The following RTN4 variants were observed in gnomAD, a reference collection of about 807,000 sequenced individuals.
The protein encoded by RTN4 is reticulon-4.
A neutral mutation model predicts 90.4 loss-of-function variants in RTN4; 32 were observed. The ratio of observed to expected loss-of-function variants is 0.35; its 90% confidence interval spans 0.27 to 0.48. The LOEUF (loss-of-function observed/expected upper bound fraction) is 0.48. Among genes scored for constraint, RTN4 ranks in the 20% least tolerant of loss-of-function variants. The pLI, the probability that RTN4 is intolerant of heterozygous loss-of-function variation, is 0.99. For synonymous variants in RTN4, 629 were observed against 552.5 expected (o/e 1.14, Z -1.94); for missense variants, 1,706 against 1,430.2 (o/e 1.19, Z -3.11).
intron 1 of RTN4, among the ~76,000 whole-genome samples, chr2:55,046,120 T>C (rs1057023431): frequency 6.6e-6 from 1 of 152,190 alleles, no homozygotes; most frequent in African/African-American, 2.4e-5. Flanking sequence ...AACAGACAAG[T>C]GTCAGTGATC....
intron 1 of RTN4, chr2:55,049,495 G>GA: frequency 1.7e-6 from 1 of 582,518 alleles, no homozygotes; most frequent in Non-Finnish European, 3.1e-6. Context: ...CACACAGGGT[G>GA]AAAGTGGGAG....
the RTN4 span, among the ~76,000 whole-genome samples, chr2:55,122,196 C>T: frequency 6.6e-6 from 1 of 152,136 alleles, no homozygotes; most frequent in East Asian, 1.9e-4. Context: ...CCAGGCTGGT[C>T]TCAAACTCCT....
At chr2:55,096,143 A>G (rs1669029793) in intron 1 of RTN4, among the ~76,000 whole-genome samples, 1 of 152,116 alleles carries the variant, frequency 6.6e-6, no homozygotes, top group South Asian at 2.1e-4. Context: ...CCTAACCAAC[A>G]TGGAGAAACC....
intron 1 of RTN4, among the ~76,000 whole-genome samples, chr2:55,033,748 TA>T (rs774049537): frequency 6.6e-5 from 10 of 152,248 alleles, no homozygotes; most frequent in Non-Finnish European, 1.5e-4. Context: ...CTTTATTTTT[TA>T]ATTGATATAT....
At chr2:55,046,746 A>T (rs1193242902) in intron 1 of RTN4, 3 of 152,258 alleles carry the variant, frequency 2.0e-5, no homozygotes, top group Non-Finnish European at 4.4e-5. Context: ...TCTTGAATGC[A>T]TTAAGAAATC....
chr2:55,073,826 G>A (rs531399512), intron 2 of RTN4, among the ~76,000 whole-genome samples: 1 of 152,320 alleles, frequency 6.6e-6, no homozygotes, highest in Non-Finnish European at 1.5e-5. Context: ...AAGGCAAAGA[G>A]ACGTATAAAC....
chr2:55,121,985 T>C, the RTN4 span, among the ~76,000 whole-genome samples: 50 of 152,162 alleles, frequency 3.3e-4, no homozygotes, highest in African/African-American at 1.2e-3. Context: ...TTTTTACTTA[T>C]CTGTATTTTC....
In RTN4 at chr2:54,973,097, G is replaced by T. The variant is rs182249122; in HGVS notation, c.*59C>A. 1 of 1,423,658 alleles carries T rather than the reference G, an allele frequency of 7.0e-7. No homozygotes were observed. The highest frequency in any genetic ancestry group is 1.2e-5 in the South Asian group (1 of 83,218). 88.2% of individuals were successfully genotyped at this position (1,423,658 alleles called of 1,614,324 possible). A position where few individuals can be genotyped will look rare whatever the true frequency, so the allele number is the denominator to read the frequency against. Reference sequence around the variant, plus strand: ...GTTCGTTCTTCCCTGACCCTCCCCCGTATAATCAAATGAATATCCCCTTTA... The same window carrying T: ...GTTCGTTCTTCCCTGACCCTCCCCCTTATAATCAAATGAATATCCCCTTTA... On this transcript the variant is annotated 3_prime_UTR_variant, in exon 9 of 9. Coordinates refer to ENST00000337526, the MANE Select transcript of RTN4 (RefSeq NM_020532.5).
chr2:55,070,749 T>TTGTTGC (rs368339332), intron 2 of RTN4, among the ~76,000 whole-genome samples: 8 of 1,570 alleles, frequency 5.1e-3, no homozygotes, highest in Admixed American at 0.01. Context: ...GTTTTGATTT[T>TTGTTGC]TGTTGTTGTT....
intron 1 of RTN4, among the ~76,000 whole-genome samples, chr2:55,099,458 T>C (rs974082465): frequency 2.6e-5 from 4 of 152,084 alleles, no homozygotes; most frequent in Admixed American, 2.6e-4. Flanking sequence ...TCACTACCTA[T>C]ATGACAAAGT....
At chr2:55,134,471 C>A in the RTN4 span, among the ~76,000 whole-genome samples, 1 of 152,194 alleles carries the variant, frequency 6.6e-6, no homozygotes, top group Non-Finnish European at 1.5e-5. Flanking sequence ...CCCAGACTCA[C>A]TCCATCTCTC....
the RTN4 span, among the ~76,000 whole-genome samples, chr2:55,137,102 C>T: frequency 2.0e-5 from 3 of 152,192 alleles, no homozygotes; most frequent in South Asian, 2.1e-4. Context: ...CACGCACTTC[C>T]GTCTGGGGAG....
intron 2 of RTN4, among the ~76,000 whole-genome samples, chr2:55,072,722 G>A (rs927228184): frequency 8.6e-5 from 13 of 152,024 alleles, no homozygotes; most frequent in Admixed American, 1.3e-4. Flanking sequence ...AATGATATTC[G>A]ATATGCATTC....
the RTN4 span, among the ~76,000 whole-genome samples, chr2:55,122,485 T>C: frequency 6.6e-6 from 1 of 152,238 alleles, no homozygotes; most frequent in Admixed American, 6.5e-5. Context: ...GTTGGTTTAA[T>C]GTCCTGTGGC....
chr2:55,039,367 A>G (rs774924981), intron 1 of RTN4, among the ~76,000 whole-genome samples: 1 of 152,268 alleles, frequency 6.6e-6, no homozygotes, highest in African/African-American at 2.4e-5. Flanking sequence ...GGGAGAACTC[A>G]TCGATAGATT....
At chr2:55,114,023 A>G (rs1668081483), upstream of RTN4, among the ~76,000 whole-genome samples, 1 of 152,186 alleles carries the variant, frequency 6.6e-6, no homozygotes. Context: ...GAAACCATGA[A>G]TTTTTCAAAA....
chr2:55,048,721 C>T (rs1470360407), intron 1 of RTN4, among the ~76,000 whole-genome samples: 1 of 152,126 alleles, frequency 6.6e-6, no homozygotes, highest in African/African-American at 2.4e-5. Flanking sequence ...TTCTGAAAAA[C>T]AGTATTTCTA....
intron 2 of RTN4, among the ~76,000 whole-genome samples, chr2:55,059,141 G>C (rs921896850): frequency 1.9e-4 from 29 of 151,902 alleles, no homozygotes; most frequent in African/African-American, 6.5e-4. Context: ...TTTCAACCCA[G>C]CCTATGACAA....
At chr2:54,986,209 T>C (rs1412652230) in intron 4 of RTN4, among the ~76,000 whole-genome samples, 1 of 152,084 alleles carries the variant, frequency 6.6e-6, no homozygotes, top group Non-Finnish European at 1.5e-5. Flanking sequence ...GTTTTTTTTC[T>C]CTTTAGAAAA....
Sources: allele counts gnomAD v4.1 joint callset (sites outside exome capture counted in the v4.1 genomes callset), GRCh38; gene constraint gnomAD v4.1.1; transcripts MANE v1.5; gene names NCBI Gene and HGNC (gene_info 2026-07-23, HGNC 2026-07-21).